VPS13B: variants seen among roughly 807,000 people sequenced by gnomAD.
The protein encoded by VPS13B is vacuolar protein sorting 13 homolog B.
Under a neutral mutation model 426.4 loss-of-function variants are expected in VPS13B, and 285 were observed. That is an observed-to-expected ratio of 0.67 (90% CI 0.61 to 0.74). The LOEUF (loss-of-function observed/expected upper bound fraction) is 0.74. VPS13B is among the 30% of genes least tolerant of loss of function. VPS13B has a pLI of 0.00. For synonymous variants in VPS13B, 1,676 were observed against 1,676.4 expected (o/e 1.00, Z 0.01); for missense variants, 4,537 against 4,782.6 (o/e 0.95, Z 1.51).
intron 36 of VPS13B, among the ~76,000 whole-genome samples, chr8:99,701,076 T>C (rs760669083): frequency 6.6e-6 from 1 of 152,200 alleles, no homozygotes; most frequent in Non-Finnish European, 1.5e-5. Flanking sequence ...AGTTTTATAG[T>C]TGAGAAGCCT....
At chr8:99,109,797 C>G (rs775161518) in intron 5 of VPS13B, among the ~76,000 whole-genome samples, 1 of 152,228 alleles carries the variant, frequency 6.6e-6, no homozygotes, top group Admixed American at 6.6e-5. Context: ...CAGACTATTA[C>G]CACTGTGCCT....
chr8:99,427,828 A>G (rs1273653501), intron 21 of VPS13B, among the ~76,000 whole-genome samples: 1 of 152,102 alleles, frequency 6.6e-6, no homozygotes, highest in Admixed American at 6.6e-5. Flanking sequence ...CGCATTGCCA[A>G]GTCAATCCTA....
intron 33 of VPS13B, among the ~76,000 whole-genome samples, chr8:99,593,264 A>G (rs943800933): frequency 6.6e-6 from 1 of 152,146 alleles, no homozygotes; most frequent in African/African-American, 2.4e-5. Flanking sequence ...GTGGACAGAT[A>G]CTTCTCAAAA....
chr8:99,754,860 T>G (rs978061934), intron 39 of VPS13B, among the ~76,000 whole-genome samples: 5 of 152,170 alleles, frequency 3.3e-5, no homozygotes, highest in Admixed American at 2.6e-4. Flanking sequence ...TTAGGAGCTT[T>G]CAGGGGCAAA....
chr8:99,332,396 A>C (rs1348921379), intron 19 of VPS13B, among the ~76,000 whole-genome samples: 1 of 151,718 alleles, frequency 6.6e-6, no homozygotes, highest in African/African-American at 2.4e-5. Flanking sequence ...TAATCTTTTC[A>C]TATATGGCCA....
chr8:99,786,197 A>T (rs1407778370), intron 43 of VPS13B, among the ~76,000 whole-genome samples: 3 of 152,034 alleles, frequency 2.0e-5, no homozygotes, highest in Non-Finnish European at 4.4e-5. Flanking sequence ...TGAATAGACA[A>T]CCACTGTCAC....
rs1049676890 is a variant in VPS13B, at chr8:99,859,294, T to C, written c.10868-10T>C. On this transcript the variant is annotated splice_polypyrimidine_tract_variant and intron_variant, in intron 56 of 61. Transcript: ENST00000357162. Reference sequence around the variant, plus strand: ...GGTTTCAATCACCCCTTCCCTCTTGTGCGTTGCAGGCTGGGTAGTTGGGTC... The same window carrying C: ...GGTTTCAATCACCCCTTCCCTCTTGCGCGTTGCAGGCTGGGTAGTTGGGTC... The C allele has an allele frequency of 6.2e-7, 1 of 1,613,314 alleles. No individual in the cohort carries two copies. The highest frequency in any genetic ancestry group is 8.5e-7 in the Non-Finnish European group (1 of 1,179,900).
chr8:99,643,228 CA>C (rs1398945465), intron 34 of VPS13B, among the ~76,000 whole-genome samples: 2 of 151,232 alleles, frequency 1.3e-5, no homozygotes, highest in Admixed American at 6.6e-5. Context: ...GAGATTTGGC[CA>C]AAAAAAACTG....
chr8:99,543,250 G>T (rs185686425), intron 30 of VPS13B, among the ~76,000 whole-genome samples: 8,700 of 152,202 alleles, frequency 0.057, 320 homozygotes, highest in African/African-American at 0.098. Context: ...GGGAAAACTG[G>T]CTAGCCATAT....
intron 19 of VPS13B, among the ~76,000 whole-genome samples, chr8:99,362,880 A>G (rs1812646816): frequency 6.6e-6 from 1 of 152,122 alleles, no homozygotes. Flanking sequence ...TACCATTTGT[A>G]TGTCTTCTTT....
At chr8:99,313,010 C>G (rs1041227765) in intron 19 of VPS13B, among the ~76,000 whole-genome samples, 1 of 152,316 alleles carries the variant, frequency 6.6e-6, no homozygotes, top group East Asian at 1.9e-4. Context: ...CCATGTTTGT[C>G]AGCTCCATCA....
At chr8:99,088,292 G>A (rs974650516) in intron 3 of VPS13B, among the ~76,000 whole-genome samples, 1 of 151,594 alleles carries the variant, frequency 6.6e-6, no homozygotes, top group African/African-American at 2.4e-5. Flanking sequence ...AGAGATTAGT[G>A]TTGTCTTATA....
intron 54 of VPS13B, among the ~76,000 whole-genome samples, chr8:99,837,269 T>A (rs1232704823): frequency 6.6e-6 from 1 of 152,132 alleles, no homozygotes; most frequent in African/African-American, 2.4e-5. Flanking sequence ...GACCTGCGTT[T>A]GTAGTGGCCA....
intron 15 of VPS13B, among the ~76,000 whole-genome samples, chr8:99,159,349 A>G (rs1436219710): frequency 1.3e-5 from 2 of 152,170 alleles, no homozygotes; most frequent in African/African-American, 4.8e-5. Flanking sequence ...AAGTTCTATA[A>G]ACTTGGTTGA....
chr8:99,653,465 A>AT (rs34923754), intron 34 of VPS13B, among the ~76,000 whole-genome samples: 4,944 of 136,836 alleles, frequency 0.036, 210 homozygotes, highest in African/African-American at 0.11. Context: ...ATGTGACTTC[A>AT]TTTTTTTTTT....
At chr8:99,223,831 A>G (rs774363935) in intron 17 of VPS13B, among the ~76,000 whole-genome samples, 4 of 152,236 alleles carry the variant, frequency 2.6e-5, no homozygotes, top group Non-Finnish European at 5.9e-5. Context: ...CATTCACATA[A>G]TGAAATAATA....
At chr8:99,674,609 A>C (rs1414131412) in intron 35 of VPS13B, among the ~76,000 whole-genome samples, 2 of 151,996 alleles carry the variant, frequency 1.3e-5, no homozygotes, top group African/African-American at 4.8e-5. Flanking sequence ...AAGTACTGCC[A>C]TTTTGTCAAT....
chr8:99,364,312 C>T (rs1812719856), intron 19 of VPS13B, among the ~76,000 whole-genome samples: 1 of 152,100 alleles, frequency 6.6e-6, no homozygotes, highest in Non-Finnish European at 1.5e-5. Context: ...GGATAAATCC[C>T]ACTTGGTCAT....
At chr8:99,662,999 G>A (rs930093647) in intron 35 of VPS13B, among the ~76,000 whole-genome samples, 5 of 152,190 alleles carry the variant, frequency 3.3e-5, no homozygotes, top group African/African-American at 1.2e-4. Context: ...AAAGGTTGCA[G>A]TGAGATGAGA....
Sources: gnomAD v4.1 joint callset for allele counts (sites outside exome capture counted in the v4.1 genomes callset) on GRCh38, gnomAD v4.1.1 for gene constraint, MANE v1.5 for transcripts, NCBI Gene and HGNC (gene_info 2026-07-23, HGNC 2026-07-21) for gene names.